The following DDX42 variants were observed in gnomAD, a reference collection of about 807,000 sequenced individuals.
The protein encoded by DDX42 is ATP-dependent RNA helicase DDX42.
A neutral mutation model predicts 101.5 loss-of-function variants in DDX42; 22 were observed. The observed-to-expected ratio is 0.22, with a 90% CI of 0.15 to 0.31. DDX42 has a LOEUF of 0.31. DDX42 is among the 10% of genes least tolerant of loss of function. The probability of loss-of-function intolerance (pLI) is 1.00; values close to 1 mark genes in which losing one functional copy is unlikely to be tolerated. For synonymous variants in DDX42, 402 were observed against 401.2 expected (o/e 1.00, Z -0.02); for missense variants, 849 against 1,199.9 (o/e 0.71, Z 4.32).
At chr17:63,790,276 C>T (rs2039610274) in intron 2 of DDX42, among the ~76,000 whole-genome samples, 1 of 152,054 alleles carries the variant, frequency 6.6e-6, no homozygotes, top group African/African-American at 2.4e-5. Flanking sequence ...TATGCTATTG[C>T]TACATTAGTA....
chr17:63,813,130 A>G (rs1325883213), intron 14 of DDX42, 98 bp from the exon 15 acceptor site: 8 of 1,153,366 alleles, frequency 6.9e-6, no homozygotes, highest in Non-Finnish European at 8.5e-6. Flanking sequence ...CTTTGCCTAG[A>G]TAAAGGAAAT....
intron 3 of DDX42, 90 bp downstream of exon 3, chr17:63,792,652 T>C: frequency 7.1e-7 from 1 of 1,414,498 alleles, no homozygotes; most frequent in South Asian, 1.6e-5. Flanking sequence ...AAATTTGTTT[T>C]CTAGTCTTAT....
intron 2 of DDX42, among the ~76,000 whole-genome samples, chr17:63,787,579 C>T (rs1307650044): frequency 6.6e-6 from 1 of 152,128 alleles, no homozygotes; most frequent in African/African-American, 2.4e-5. Flanking sequence ...TGGCTCACAC[C>T]TGTAATCCCA....
intron 1 of DDX42, among the ~76,000 whole-genome samples, chr17:63,781,819 G>C (rs934878838): frequency 6.7e-6 from 1 of 149,930 alleles, no homozygotes; most frequent in Admixed American, 6.6e-5. Flanking sequence ...GACCATCCTG[G>C]CTAACATGGT....
chr17:63,775,708 A>C (rs985339754), intron 1 of DDX42, among the ~76,000 whole-genome samples: 3 of 152,186 alleles, frequency 2.0e-5, no homozygotes, highest in Non-Finnish European at 2.9e-5. Flanking sequence ...CTGAGGGAGT[A>C]TTAGGAGATA....
At chr17:63,791,210 G>A (rs1007405816) in intron 2 of DDX42, among the ~76,000 whole-genome samples, 1 of 152,196 alleles carries the variant, frequency 6.6e-6, no homozygotes, top group Admixed American at 6.5e-5. Context: ...TTTCTGAAAT[G>A]TTTGTTAAAG....
At position 63,818,491 on chromosome 17, in the gene DDX42, G is replaced by C; in HGVS notation, c.*93G>C. ...TCAGGGCTGGGTTGGGGTCCAAAGT[G>C]TAAGGACCCCCTGCCCTTAGTGGAG... is the stretch of plus-strand genomic sequence containing the variant. On this transcript the variant is annotated 3_prime_UTR_variant, in exon 18 of 18. Transcript: ENST00000389924. The C allele has an allele frequency of 8.5e-7, 1 of 1,174,516 alleles. No homozygotes were observed. The highest frequency in any genetic ancestry group is 1.2e-6 in the Non-Finnish European group (1 of 847,324). 72.8% of individuals were successfully genotyped at this position (1,174,516 alleles called of 1,614,324 possible).
At chr17:63,812,340 C>T (rs2039920543) in intron 14 of DDX42, 132 bp downstream of exon 14, 1 of 1,139,080 alleles carries the variant, frequency 8.8e-7, no homozygotes, top group Non-Finnish European at 1.2e-6. Flanking sequence ...CCCTCCCAAA[C>T]CCCCAAGGAA....
chr17:63,806,419 T>G, intron 7 of DDX42, 116 bp from the exon 8 acceptor site: 1 of 1,201,576 alleles, frequency 8.3e-7, no homozygotes, highest in Non-Finnish European at 1.1e-6. Flanking sequence ...GCTTACAGAC[T>G]TGTATTTTTA....
At chr17:63,814,100 C>T (rs996172146) in intron 15 of DDX42, among the ~76,000 whole-genome samples, 4 of 152,116 alleles carry the variant, frequency 2.6e-5, no homozygotes, top group African/African-American at 9.7e-5. Flanking sequence ...TCGGCCTCAA[C>T]CTCCCAAAGT....
In DDX42 at chr17:63,808,956, T is replaced by A. The variant is rs1369488443; in HGVS notation, c.1152+8T>A. ...ATTGTTGTGTGTACCCCAGTAAGTA[T>A]GCCTTGTGTTTAAATGGCTTCTCAG... On this transcript the variant is annotated splice_region_variant and intron_variant, in intron 10 of 17. Transcript: ENST00000389924. The A allele has an allele frequency of 6.2e-7, 1 of 1,611,316 alleles. No homozygotes were observed. The highest frequency in any genetic ancestry group is 1.7e-5 in the Admixed American group (1 of 59,320).
At chr17:63,799,366 T>G in intron 4 of DDX42, 1 of 419,846 alleles carries the variant, frequency 2.4e-6, no homozygotes, top group Non-Finnish European at 4.2e-6. Flanking sequence ...TCTAGGGGTA[T>G]CATATCATCC....
chr17:63,815,407 A>G (rs2039964941), intron 15 of DDX42, 156 bp from the exon 16 acceptor site: 8 of 527,802 alleles, frequency 1.5e-5, no homozygotes, highest in Middle Eastern at 5.3e-4. Context: ...AGAGAAACCA[A>G]TCTGTGGTTC....
At position 63,811,130 on chromosome 17, in the gene DDX42, T is replaced by C. The variant is rs757549635; in HGVS notation, c.1355T>C (p.Ile452Thr). 6.2e-7 allele frequency: 1 copy of C among 1,614,172 alleles called. No individual in the cohort carries two copies. The highest frequency in any genetic ancestry group is 8.5e-7 in the Non-Finnish European group (1 of 1,180,028). The part of the protein sequence containing the change: ...RKKIEKLARD[I>T]LIDPIRVVQG... ...AAGATTGAAAAGTTGGCCAGAGACA[T>C]CCTGATCGACCCTATTCGAGTGGTG... is the stretch of plus-strand genomic sequence containing the variant. The change falls in exon 13 of 18, where the codon ATC becomes ACC. Residue 452 changes from isoleucine (I) to threonine (T), a missense_variant. This residue lies in a region of DDX42 where 370 missense variants were observed against 608.8 expected (regional missense o/e 0.61). Coordinates refer to ENST00000389924, the MANE Select transcript of DDX42 (RefSeq NM_203499.3).
At chr17:63,774,040 A>C (rs532439228), upstream of DDX42, 13 of 218,062 alleles carry the variant, frequency 6.0e-5, 1 homozygote, top group South Asian at 1.5e-3. Context: ...ACCCAACTGC[A>C]GTTTCCCGTC....
At chr17:63,808,503 A>G (rs181668037) in intron 9 of DDX42, among the ~76,000 whole-genome samples, 25 of 152,216 alleles carry the variant, frequency 1.6e-4, no homozygotes, top group Admixed American at 1.1e-3. Flanking sequence ...GGAAAAGCCT[A>G]TTGTGATATG....
chr17:63,783,109 C>T (rs754786023), intron 1 of DDX42, among the ~76,000 whole-genome samples: 3 of 152,140 alleles, frequency 2.0e-5, no homozygotes, highest in Non-Finnish European at 4.4e-5. Context: ...TATGCCTTTG[C>T]TCCCACTCAT....
chr17:63,808,211 T>C (rs1023119875), intron 9 of DDX42, among the ~76,000 whole-genome samples: 3 of 152,248 alleles, frequency 2.0e-5, no homozygotes, highest in African/African-American at 7.2e-5. Context: ...AGAGTCTCAC[T>C]CTTTTGCCCA....
rs927877079 is a variant in DDX42, at chr17:63,781,526, T to G, written c.-16-5508T>G. On this transcript the variant is annotated intron_variant, in intron 1 of 17. Transcript: ENST00000389924. ...GCCACCGTGCCTGGCACATTTTAGT[T>G]CTTAACTTACCTAACTTCTCTTTAG... is the stretch of plus-strand genomic sequence containing the variant. Among the ~76,000 whole-genome samples, 7 of 152,052 alleles carry G rather than the reference T, an allele frequency of 4.6e-5. No homozygotes were observed. The South Asian group carries it at 1.5e-3, about 32-fold the overall frequency.
Sources: allele counts gnomAD v4.1 joint callset (sites outside exome capture counted in the v4.1 genomes callset), GRCh38; gene constraint gnomAD v4.1.1; regional missense constraint gnomAD v4.1.1; transcripts MANE v1.5; gene names NCBI Gene and HGNC (gene_info 2026-07-23, HGNC 2026-07-21).